PALM2AKAP2: variants seen among roughly 807,000 people sequenced by gnomAD.
The protein encoded by PALM2AKAP2 is PALM2-AKAP2 fusion protein.
Under a neutral mutation model 71.5 loss-of-function variants are expected in PALM2AKAP2, and 37 were observed. The ratio of observed to expected loss-of-function variants is 0.52; its 90% CI spans 0.40 to 0.68. The LOEUF is 0.68. Among genes scored for constraint, PALM2AKAP2 ranks in the 30% least tolerant of loss-of-function variants. The probability of loss-of-function intolerance (pLI) is 0.00; values close to 1 mark genes in which losing one functional copy is unlikely to be tolerated. For missense variants in PALM2AKAP2, 1,224 were observed against 1,191.8 expected (o/e 1.03, Z -0.40); for synonymous variants, 468 against 478.8 (o/e 0.98, Z 0.29).
At chr9:109,700,514 G>A (rs115208704) in intron 1 of PALM2AKAP2, among the ~76,000 whole-genome samples, 19 of 152,254 alleles carry the variant, frequency 1.2e-4, no homozygotes, top group African/African-American at 4.3e-4. Flanking sequence ...GACTAATACA[G>A]CACTCAATCC....
chr9:110,016,027 C>G lies in PALM2AKAP2; in HGVS notation c.570C>G (p.Asp190Glu), dbSNP rs770621347. ...ACGCCACAGAAACATCCGGCCCAGACATGACTATCAAGGTAAGGGATTCTC... is the reference window on the plus strand; with the variant it reads ...ACGCCACAGAAACATCCGGCCCAGAGATGACTATCAAGGTAAGGGATTCTC... The change falls in exon 7 of 10, where the codon GAC becomes GAG. Residue 190 changes from aspartate to glutamate, a missense_variant. Transcript: ENST00000302798. 4.6e-5 allele frequency: 75 copies of G among 1,613,526 alleles called. 1 individual carries two copies. The highest frequency in any genetic ancestry group is 5.3e-5 in the Non-Finnish European group (63 of 1,179,666).
intron 1 of PALM2AKAP2, among the ~76,000 whole-genome samples, chr9:109,858,621 A>G (rs879387026): frequency 6.6e-6 from 1 of 151,938 alleles, no homozygotes; most frequent in Non-Finnish European, 1.5e-5. Flanking sequence ...ACGGAGAGGG[A>G]TGAGATGGAG....
intron 1 of PALM2AKAP2, among the ~76,000 whole-genome samples, chr9:110,119,340 TC>T (rs1311806520): frequency 3.8e-4 from 32 of 84,792 alleles, no homozygotes; most frequent in African/African-American, 5.8e-4. Flanking sequence ...AGACTCCATC[TC>T]AAAAAAAAAA....
intron 1 of PALM2AKAP2, among the ~76,000 whole-genome samples, chr9:109,757,132 T>C (rs1324231603): frequency 6.6e-6 from 1 of 152,058 alleles, no homozygotes; most frequent in African/African-American, 2.4e-5. Context: ...TACACACCCT[T>C]CCCAGCTTCT....
At chr9:110,088,220 T>C (rs758531350) in intron 1 of PALM2AKAP2, among the ~76,000 whole-genome samples, 1 of 147,780 alleles carries the variant, frequency 6.8e-6, no homozygotes, top group Admixed American at 6.7e-5. Context: ...AGATTTCCCA[T>C]TGGTTACTTG....
At chr9:109,802,600 A>G (rs551755713) in intron 1 of PALM2AKAP2, among the ~76,000 whole-genome samples, 115 of 152,304 alleles carry the variant, frequency 7.6e-4, no homozygotes, top group Middle Eastern at 3.4e-3. Flanking sequence ...TGACTCTGCT[A>G]TCTCCCAGGG....
intron 1 of PALM2AKAP2, among the ~76,000 whole-genome samples, chr9:109,732,782 G>C (rs1206986366): frequency 6.6e-6 from 1 of 152,200 alleles, no homozygotes; most frequent in Non-Finnish European, 1.5e-5. Flanking sequence ...GGGTAGCAGG[G>C]AGAAGGTCTC....
chr9:109,911,512 A>T (rs1031755379), intron 3 of PALM2AKAP2, among the ~76,000 whole-genome samples: 2 of 152,254 alleles, frequency 1.3e-5, no homozygotes, highest in Admixed American at 6.5e-5. Context: ...ATATGATTAC[A>T]TCACCATCAA....
At chr9:110,088,910 G>T (rs531992096) in intron 1 of PALM2AKAP2, among the ~76,000 whole-genome samples, 1 of 151,976 alleles carries the variant, frequency 6.6e-6, no homozygotes, top group African/African-American at 2.4e-5. Context: ...AGTAGAGCTA[G>T]GGTTTCACCT....
intron 3 of PALM2AKAP2, 77 bp from the exon 11 acceptor site, chr9:110,168,322 A>G: frequency 6.5e-7 from 1 of 1,538,004 alleles, no homozygotes; most frequent in Non-Finnish European, 8.8e-7. Context: ...AGAAAGGAAG[A>G]AAGAAACAGA....
chr9:109,643,003 C>A (rs80302974), intron 1 of PALM2AKAP2, among the ~76,000 whole-genome samples: 2,974 of 146,570 alleles, frequency 0.02, 98 homozygotes, highest in African/African-American at 0.066. Context: ...GGTGACAGAG[C>A]AAAACCTCAT....
intron 1 of PALM2AKAP2, among the ~76,000 whole-genome samples, chr9:110,095,005 A>G (rs1480145321): frequency 6.6e-6 from 1 of 152,164 alleles, no homozygotes; most frequent in East Asian, 1.9e-4. Context: ...TTCTGCCCTC[A>G]CTTCTGACCA....
intron 1 of PALM2AKAP2, among the ~76,000 whole-genome samples, chr9:109,693,404 A>G (rs1025546047): frequency 2.0e-5 from 3 of 151,848 alleles, no homozygotes; most frequent in African/African-American, 7.2e-5. Context: ...TTTTTCAAAG[A>G]ACTGTAATTG....
chr9:109,905,977 A>G (rs1308795617), intron 3 of PALM2AKAP2, among the ~76,000 whole-genome samples: 2 of 152,006 alleles, frequency 1.3e-5, no homozygotes, highest in African/African-American at 4.8e-5. Context: ...ATAAATAAAC[A>G]AATAAACTTT....
intron 7 of PALM2AKAP2, among the ~76,000 whole-genome samples, chr9:110,035,341 T>TTA (rs1448052364): frequency 1.4e-5 from 2 of 143,862 alleles, no homozygotes; most frequent in Non-Finnish European, 3.0e-5. Flanking sequence ...ATAATACATA[T>TTA]TATATATATT....
intron 2 of PALM2AKAP2, among the ~76,000 whole-genome samples, chr9:109,877,195 G>T (rs1279079431): frequency 6.6e-6 from 1 of 152,062 alleles, no homozygotes; most frequent in Non-Finnish European, 1.5e-5. Flanking sequence ...TACTATCTGT[G>T]GTTTGGACAT....
At chr9:109,897,748 T>C (rs2131837718) in intron 3 of PALM2AKAP2, among the ~76,000 whole-genome samples, 1 of 152,366 alleles carries the variant, frequency 6.6e-6, no homozygotes, top group South Asian at 2.1e-4. Flanking sequence ...CCGAATCATA[T>C]TCACTTCATT....
At chr9:110,039,074 G>T (rs1833468826) in intron 7 of PALM2AKAP2, among the ~76,000 whole-genome samples, 1 of 151,966 alleles carries the variant, frequency 6.6e-6, no homozygotes. Context: ...CATGGGGAAA[G>T]CTTGTCTCTA....
chr9:109,920,467 T>C (rs544541631), intron 3 of PALM2AKAP2, among the ~76,000 whole-genome samples: 1 of 151,654 alleles, frequency 6.6e-6, no homozygotes, highest in African/African-American at 2.4e-5. Context: ...GCAGCCTCTG[T>C]CTCCTGGGTT....
Sources: allele counts gnomAD v4.1 joint callset (sites outside exome capture counted in the v4.1 genomes callset), GRCh38; gene constraint gnomAD v4.1.1; transcripts MANE v1.5; gene names NCBI Gene and HGNC (gene_info 2026-07-23, HGNC 2026-07-21).